The following STAT5B variants were observed in gnomAD, a reference collection of about 807,000 sequenced individuals.
STAT5B encodes signal transducer and activator of transcription 5B, also known as transcription factor STAT5B.
Under a neutral mutation model 107.8 loss-of-function variants are expected in STAT5B, and 21 were observed. That is an observed-to-expected ratio of 0.19 (90% CI 0.14 to 0.28). The LOEUF is 0.28. STAT5B is among the 10% of genes least tolerant of loss of function. STAT5B has a pLI of 1.00. For synonymous variants in STAT5B, 325 were observed against 401.7 expected (o/e 0.81, Z 2.28); for missense variants, 565 against 1,008.2 (o/e 0.56, Z 5.95).
At chr17:42,236,095 CATA>C (rs1279044956) in intron 1 of STAT5B, among the ~76,000 whole-genome samples, 3 of 152,046 alleles carry the variant, frequency 2.0e-5, no homozygotes, top group African/African-American at 4.8e-5. Flanking sequence ...ATGAACATGC[CATA>C]ATAATTATTT....
Position 42,262,940 on chromosome 17 carries a change from A to ATGTGTG in STAT5B, c.-11+13307_-11+13308insCACACA, listed in dbSNP as rs1444320620. ...TATGTGTGTATATATATATGTATAT[A>ATGTGTG]TATGTGTGTGTGTGTGTGTGTGTGT... On this transcript the variant is annotated intron_variant, in intron 1 of 18. Transcript: ENST00000293328. Among the ~76,000 whole-genome samples, 3 of 42,258 alleles carry ATGTGTG rather than the reference A, an allele frequency of 7.1e-5. No homozygotes were observed. The East Asian group carries it at 1.5e-3, about 21-fold the overall frequency. 27.7% of individuals were successfully genotyped at this position (42,258 alleles called of 152,430 possible). A position where few individuals can be genotyped will look rare whatever the true frequency, so the allele number is the denominator to read the frequency against.
chr17:42,261,739 T>G (rs2080598425), intron 1 of STAT5B, among the ~76,000 whole-genome samples: 1 of 152,028 alleles, frequency 6.6e-6, no homozygotes, highest in African/African-American at 2.4e-5. Flanking sequence ...TTTTGTATTT[T>G]TATAGAGATG....
At chr17:42,253,530 G>A (rs2080517068) in intron 1 of STAT5B, among the ~76,000 whole-genome samples, 1 of 152,130 alleles carries the variant, frequency 6.6e-6, no homozygotes, top group East Asian at 1.9e-4. Context: ...GGCAATAATG[G>A]CAATACATAT....
intron 12 of STAT5B, among the ~76,000 whole-genome samples, chr17:42,213,860 G>A (rs2080149751): frequency 6.6e-6 from 1 of 150,512 alleles, no homozygotes; most frequent in Non-Finnish European, 1.5e-5. Flanking sequence ...GCATAAGGTC[G>A]GCTGGGTGCA....
Position 42,219,353 on chromosome 17 carries a change from G to A in STAT5B, c.792C>T (p.Asn264=), listed in dbSNP as rs1315435970. 21 of 1,481,124 alleles carry A rather than the reference G, an allele frequency of 1.4e-5. No individual in the cohort carries two copies. The highest frequency in any genetic ancestry group is 2.4e-4 in the Middle Eastern group (1 of 4,096). The allele number at this position is 1,481,124 out of a possible 1,614,324, so 91.7% of individuals were successfully genotyped here. The part of the protein sequence containing the change: ...QWKRRQQLAG[N]GGPPEGSLDV... ...CCAGGCTGCCCTCGGGGGGCCCGCC[G>A]TTCCCGGCCAGCTGCTGCCGCCGCT... is the stretch of plus-strand genomic sequence containing the variant. The change falls in exon 7 of 19, where the codon AAC becomes AAT. Residue 264 remains asparagine, a synonymous_variant. Coordinates refer to ENST00000293328, the MANE Select transcript of STAT5B (RefSeq NM_012448.4).
chr17:42,268,403 G>A (rs988938333), intron 1 of STAT5B, among the ~76,000 whole-genome samples: 3 of 152,080 alleles, frequency 2.0e-5, no homozygotes, highest in Non-Finnish European at 4.4e-5. Flanking sequence ...CACCATCTAC[G>A]TTTGTGTAAG....
At chr17:42,278,539 G>A (rs1416185375), upstream of STAT5B, among the ~76,000 whole-genome samples, 2 of 151,588 alleles carry the variant, frequency 1.3e-5, no homozygotes, top group African/African-American at 4.9e-5. Flanking sequence ...TTTATTTTTT[G>A]GAGACAGTCT....
intron 1 of STAT5B, among the ~76,000 whole-genome samples, chr17:42,248,375 GAAAA>G: frequency 7.1e-6 from 1 of 140,916 alleles, no homozygotes; most frequent in Non-Finnish European, 1.6e-5. Flanking sequence ...TCCTGCTGGG[GAAAA>G]AAAAAAAACA....
At chr17:42,205,914 AAAC>A (rs974764140) in intron 16 of STAT5B, among the ~76,000 whole-genome samples, 25 of 151,944 alleles carry the variant, frequency 1.6e-4, no homozygotes, top group African/African-American at 6.0e-4. Context: ...CAAACAAACA[AAAC>A]AACAACAAAA....
Position 42,210,378 on chromosome 17 carries a change from C to T in STAT5B, c.1775+25G>A, listed in dbSNP as rs369496943. 49 of 1,614,072 alleles carry T rather than the reference C, an allele frequency of 3.0e-5. No homozygotes were observed. In the African/African-American group the frequency reaches 3.9e-4, roughly 13 times the overall value. ...AGAGAAGACCTTCAGACTCTGTCGG[C>T]GCCTTAAGAAATAATGATTCTCACC... On this transcript the variant is annotated intron_variant, in intron 14 of 18. Transcript: ENST00000293328.
chr17:42,281,034 T>C (rs1427313265), upstream of STAT5B, among the ~76,000 whole-genome samples: 1 of 151,590 alleles, frequency 6.6e-6, no homozygotes, highest in Non-Finnish European at 1.5e-5. Context: ...CTCCGGAGGC[T>C]GAGCCAGGAG....
chr17:42,247,296 A>C (rs1276560497), intron 1 of STAT5B, among the ~76,000 whole-genome samples: 2 of 152,236 alleles, frequency 1.3e-5, no homozygotes, highest in Admixed American at 6.5e-5. Context: ...AACCAAAACT[A>C]AATACAGAAG....
chr17:42,270,323 G>T (rs16967620), intron 1 of STAT5B, among the ~76,000 whole-genome samples: 54,225 of 151,906 alleles, frequency 0.36, 10,846 homozygotes, highest in African/African-American at 0.54. Flanking sequence ...AGAAATCCCC[G>T]CAAAATAAAG....
chr17:42,205,114 G>A lies in STAT5B; in HGVS notation c.2078-2306C>T, dbSNP rs145500412. 2.1e-3 allele frequency among the ~76,000 whole-genome samples: 315 copies of A among 152,104 alleles called. 2 individuals are homozygous for A. Among genetic ancestry groups the A allele is most frequent in the African/African-American group, 7.3e-3 (305 of 41,502 alleles). On this transcript the variant is annotated intron_variant, in intron 16 of 18. Coordinates refer to ENST00000293328, the MANE Select transcript of STAT5B (RefSeq NM_012448.4). Reference sequence around the variant, plus strand: ...GTGATCTTGGCTCACTGCAACCTCCGCCTCCCGGGTTCAAGTGATTCTCTT... The same window carrying A: ...GTGATCTTGGCTCACTGCAACCTCCACCTCCCGGGTTCAAGTGATTCTCTT...
intron 1 of STAT5B, among the ~76,000 whole-genome samples, chr17:42,247,977 AAAG>A (rs2080466059): frequency 2.6e-5 from 4 of 151,968 alleles, no homozygotes; most frequent in South Asian, 2.1e-4. Context: ...TGTATGAGAA[AAAG>A]AAGAAGATAA....
Position 42,200,186 on chromosome 17 carries a change from CA to C in STAT5B, c.*1551del, listed in dbSNP as rs1555547135. 1 of 152,640 alleles carries C rather than the reference CA, an allele frequency of 6.6e-6. No homozygotes were observed. The highest frequency in any genetic ancestry group is 6.5e-5 in the Admixed American group (1 of 15,272). 9.5% of individuals were successfully genotyped at this position (152,640 alleles called of 1,614,324 possible). ...TACTATAGAGGAATATTTTTAACGG[CA>C]AAACACTGATAAATTCAGAAGTTAT... is the stretch of plus-strand genomic sequence containing the variant. On this transcript the variant is annotated 3_prime_UTR_variant, in exon 19 of 19. Coordinates refer to ENST00000293328, the MANE Select transcript of STAT5B (RefSeq NM_012448.4).
chr17:42,215,823 T>C (rs2080166637), intron 12 of STAT5B, among the ~76,000 whole-genome samples, 191 bp downstream of exon 12: 1 of 152,198 alleles, frequency 6.6e-6, no homozygotes, highest in Non-Finnish European at 1.5e-5. Flanking sequence ...GATTTTGCTA[T>C]GTTGGCCAGG....
chr17:42,268,656 A>C (rs1367796460), intron 1 of STAT5B: 1 of 152,172 alleles, frequency 6.6e-6, no homozygotes, highest in African/African-American at 2.4e-5. Context: ...GAAATGAGAT[A>C]GGAGTCCCAC....
chr17:42,266,555 A>AT (rs1213967231), intron 1 of STAT5B, among the ~76,000 whole-genome samples: 4 of 151,814 alleles, frequency 2.6e-5, no homozygotes, highest in African/African-American at 4.8e-5. Context: ...ATAAAAAAAA[A>AT]AAAAAAAAAA....
Sources: gnomAD v4.1 joint callset for allele counts (sites outside exome capture counted in the v4.1 genomes callset) on GRCh38, gnomAD v4.1.1 for gene constraint, MANE v1.5 for transcripts, NCBI Gene and HGNC (gene_info 2026-07-23, HGNC 2026-07-21) for gene names.